IL1RAP: variants seen among roughly 807,000 people sequenced by gnomAD.
IL1RAP encodes the protein interleukin 1 receptor accessory protein.
A neutral mutation model predicts 60.7 loss-of-function variants in IL1RAP; 35 were observed. The ratio of observed to expected loss-of-function variants is 0.58; its 90% CI spans 0.44 to 0.76. IL1RAP has a LOEUF of 0.76. Ranked by LOEUF, IL1RAP falls within the 30% of genes least tolerant of loss-of-function variation. The pLI, the probability that IL1RAP is intolerant of heterozygous loss-of-function variation, is 0.00. For missense variants in IL1RAP, 572 were observed against 693.9 expected (o/e 0.82, Z 1.97); for synonymous variants, 268 against 250.9 (o/e 1.07, Z -0.64).
intron 1 of IL1RAP, chr3:190,516,372 A>G (rs9811205): frequency 0.14 from 21,484 of 152,368 alleles, 2,072 homozygotes; most frequent in Middle Eastern, 0.37. Context: ...AATGTTCAAA[A>G]TAAGGTCAGA....
intron 1 of IL1RAP, among the ~76,000 whole-genome samples, chr3:190,544,558 G>A (rs1031245721): frequency 1.3e-5 from 2 of 152,102 alleles, no homozygotes; most frequent in Non-Finnish European, 2.9e-5. Context: ...CACCCAGTGA[G>A]AGAATTCCTA....
intron 1 of IL1RAP, among the ~76,000 whole-genome samples, chr3:190,551,501 A>G (rs929753678): frequency 6.6e-6 from 1 of 152,242 alleles, no homozygotes. Flanking sequence ...TAAATAGTTC[A>G]AAATAAGTTT....
chr3:190,564,473 G>T (rs753421708), intron 3 of IL1RAP, 120 bp downstream of exon 3: 4 of 718,982 alleles, frequency 5.6e-6, no homozygotes, highest in Non-Finnish European at 1.0e-5. Flanking sequence ...TGTCTTCTGC[G>T]GTAGCAAATA....
At chr3:190,614,482 A>G (rs907420892) in intron 5 of IL1RAP, among the ~76,000 whole-genome samples, 9 of 152,118 alleles carry the variant, frequency 5.9e-5, no homozygotes, top group Admixed American at 4.6e-4. Flanking sequence ...GAGATAAACA[A>G]TAACAGCTAA....
intron 3 of IL1RAP, among the ~76,000 whole-genome samples, chr3:190,588,981 T>A (rs1161858196): frequency 1.3e-5 from 2 of 152,216 alleles, no homozygotes; most frequent in East Asian, 3.9e-4. Context: ...TCAGAGAGAC[T>A]TTTATCCTGC....
intron 9 of IL1RAP, among the ~76,000 whole-genome samples, chr3:190,643,478 G>A (rs1319146813): frequency 6.6e-6 from 1 of 152,070 alleles, no homozygotes; most frequent in Non-Finnish European, 1.5e-5. Context: ...AAGTACTGGA[G>A]AATTACCTCA....
At chr3:190,652,984 G>C (rs1734471515), downstream of IL1RAP, among the ~76,000 whole-genome samples, 1 of 152,074 alleles carries the variant, frequency 6.6e-6, no homozygotes, top group Admixed American at 6.5e-5. Context: ...TACACAGTAT[G>C]GTATGAGAGA....
At chr3:190,656,114 G>A, downstream of IL1RAP, 1 of 1,537,314 alleles carries the variant, frequency 6.5e-7, no homozygotes, top group Non-Finnish European at 8.7e-7. Context: ...TTTGTGAGCT[G>A]GAAGGGAGAA....
chr3:190,520,226 A>G (rs1212890344), intron 1 of IL1RAP, among the ~76,000 whole-genome samples: 1 of 152,202 alleles, frequency 6.6e-6, no homozygotes, highest in Non-Finnish European at 1.5e-5. Flanking sequence ...TAGCACAGTG[A>G]CTCATACATA....
At chr3:190,564,662 G>A (rs1307786909) in intron 3 of IL1RAP, 1 of 298,778 alleles carries the variant, frequency 3.3e-6, no homozygotes, top group African/African-American at 2.1e-5. Flanking sequence ...GGTCCTATGG[G>A]GGAAAAATGG....
At chr3:190,617,617 G>A (rs978050702) in intron 5 of IL1RAP, among the ~76,000 whole-genome samples, 5 of 152,028 alleles carry the variant, frequency 3.3e-5, no homozygotes, top group African/African-American at 1.2e-4. Context: ...TCCTATTCTT[G>A]GAGAATCTAA....
intron 3 of IL1RAP, among the ~76,000 whole-genome samples, chr3:190,598,859 A>T (rs936952928): frequency 1.3e-5 from 2 of 152,194 alleles, no homozygotes; most frequent in Non-Finnish European, 2.9e-5. Context: ...TATTTGGTCG[A>T]GTCAATAATC....
intron 3 of IL1RAP, among the ~76,000 whole-genome samples, chr3:190,585,071 T>C (rs905640189): frequency 6.6e-6 from 1 of 152,178 alleles, no homozygotes; most frequent in African/African-American, 2.4e-5. Flanking sequence ...TGTCACTCAT[T>C]GAGGTTTCTG....
At chr3:190,611,628 G>A (rs1432102047) in intron 5 of IL1RAP, among the ~76,000 whole-genome samples, 1 of 152,182 alleles carries the variant, frequency 6.6e-6, no homozygotes, top group African/African-American at 2.4e-5. Context: ...ACTTTGGAGG[G>A]TAGTAAAGGA....
chr3:190,601,913 A>G (rs1729894789), intron 3 of IL1RAP, among the ~76,000 whole-genome samples: 1 of 152,162 alleles, frequency 6.6e-6, no homozygotes, highest in African/African-American at 2.4e-5. Context: ...CAGAGTTCCA[A>G]GAGAAAAAGC....
At chr3:190,574,963 C>T (rs939948722) in intron 3 of IL1RAP, among the ~76,000 whole-genome samples, 2 of 151,656 alleles carry the variant, frequency 1.3e-5, no homozygotes, top group Admixed American at 6.6e-5. Context: ...AGATTTAATA[C>T]ACAAAGCCTC....
chr3:190,553,120 C>T (rs974897596), intron 1 of IL1RAP, among the ~76,000 whole-genome samples: 1 of 152,124 alleles, frequency 6.6e-6, no homozygotes, highest in Admixed American at 6.5e-5. Context: ...GAATCCCGGC[C>T]ATAGGTAAGC....
At chr3:190,542,026 C>T (rs563730513) in intron 1 of IL1RAP, among the ~76,000 whole-genome samples, 51 of 152,212 alleles carry the variant, frequency 3.4e-4, no homozygotes, top group Admixed American at 2.7e-3. Flanking sequence ...CTGTGCAGTT[C>T]CCCAGAAATG....
chr3:190,649,575 A>G lies in IL1RAP; in HGVS notation c.*870A>G. ...TTTTAGGGCATTTTTCTGACTCATGAAAAGAGCACAGAAAAGGATGTTTGG... is the reference window on the plus strand; with the variant it reads ...TTTTAGGGCATTTTTCTGACTCATGGAAAGAGCACAGAAAAGGATGTTTGG... On this transcript the variant is annotated 3_prime_UTR_variant, in exon 12 of 12. Transcript: ENST00000447382. 2.0e-6 allele frequency: 2 copies of G among 985,846 alleles called. No individual in the cohort carries two copies. The highest frequency in any genetic ancestry group is 2.4e-6 in the Non-Finnish European group (2 of 829,896). The allele number at this position is 985,846 out of a possible 1,614,324, so 61.1% of individuals were successfully genotyped here.
Sources: gnomAD v4.1 joint callset for allele counts (sites outside exome capture counted in the v4.1 genomes callset) on GRCh38, gnomAD v4.1.1 for gene constraint, MANE v1.5 for transcripts, NCBI Gene and HGNC (gene_info 2026-07-23, HGNC 2026-07-21) for gene names.